The following CHLSN variants were observed in gnomAD, a reference collection of about 807,000 sequenced individuals.
CHLSN encodes protein cholesin.
chr7:1,136,571 CATAAACATAT>C, the CHLSN span, among the ~76,000 whole-genome samples: 35 of 27,272 alleles, frequency 1.3e-3, no homozygotes, highest in African/African-American at 2.6e-3. Flanking sequence ...AACATATAAA[CATAAACATAT>C]ATAAACATAT....
chr7:1,092,487 G>A, the CHLSN span: 2 of 1,607,442 alleles, frequency 1.2e-6, no homozygotes, highest in Non-Finnish European at 1.7e-6. Flanking sequence ...TGCGGCCCCG[G>A]CGGCAGAAGG....
chr7:1,118,799 CAAAAAAAAAAA>C, the CHLSN span, among the ~76,000 whole-genome samples: 6,260 of 76,836 alleles, frequency 0.081, 596 homozygotes, highest in African/African-American at 0.28. Flanking sequence ...CCATCTCTAC[CAAAAAAAAAAA>C]AAAAAAAAAA....
the CHLSN span, among the ~76,000 whole-genome samples, chr7:1,046,270 T>G: frequency 6.6e-6 from 1 of 152,220 alleles, no homozygotes; most frequent in East Asian, 1.9e-4. Flanking sequence ...CCGCCTGGCC[T>G]TTAATGACCC....
At chr7:1,094,914 A>G in the CHLSN span, among the ~76,000 whole-genome samples, 1 of 151,998 alleles carries the variant, frequency 6.6e-6, no homozygotes, top group Non-Finnish European at 1.5e-5. Context: ...GCCCACTTCT[A>G]TCAGGATTGC....
chr7:985,120 G>A, the CHLSN span: 110 of 1,607,334 alleles, frequency 6.8e-5, no homozygotes, highest in Non-Finnish European at 8.2e-5. Context: ...GGCCGGGGAC[G>A]CCCCTCCCCG....
the CHLSN span, among the ~76,000 whole-genome samples, chr7:1,137,162 C>T: frequency 6.6e-6 from 1 of 152,190 alleles, no homozygotes; most frequent in African/African-American, 2.4e-5. Flanking sequence ...CTTTCTCTCT[C>T]TGTTCCCAAA....
the CHLSN span, among the ~76,000 whole-genome samples, chr7:1,090,713 G>A: frequency 2.0e-5 from 3 of 152,244 alleles, no homozygotes; most frequent in African/African-American, 7.2e-5. Flanking sequence ...GGATAAGCTC[G>A]GGAGGGACTC....
chr7:1,028,892 G>T, the CHLSN span: 2 of 743,318 alleles, frequency 2.7e-6, no homozygotes, highest in Non-Finnish European at 3.1e-6. Context: ...TCCCCAGTCT[G>T]ACTCCATGTC....
the CHLSN span, among the ~76,000 whole-genome samples, chr7:1,041,530 A>C: frequency 6.6e-6 from 1 of 152,240 alleles, no homozygotes; most frequent in African/African-American, 2.4e-5. Flanking sequence ...TTTTACTAAC[A>C]CATGCACAGA....
At chr7:990,028 G>A in the CHLSN span, among the ~76,000 whole-genome samples, 1 of 11,468 alleles carries the variant, frequency 8.7e-5, no homozygotes, top group African/African-American at 5.3e-4. Context: ...TGCTGGGGGC[G>A]GTGTGGTCGG....
chr7:1,052,827 G>A, the CHLSN span, among the ~76,000 whole-genome samples: 1 of 152,146 alleles, frequency 6.6e-6, no homozygotes, highest in Non-Finnish European at 1.5e-5. The surrounding 1 kb of genome is among the most constrained non-coding windows in gnomAD (Gnocchi z 4.2). Context: ...ATGGGGTTGG[G>A]GGGCAGGCGG....
At chr7:1,029,417 T>G in the CHLSN span, among the ~76,000 whole-genome samples, 2 of 152,196 alleles carry the variant, frequency 1.3e-5, no homozygotes, top group African/African-American at 4.8e-5. Flanking sequence ...TGCGCCACCA[T>G]GCCCAGCCTA....
the CHLSN span, chr7:1,058,510 T>C: frequency 2.6e-6 from 2 of 778,708 alleles, no homozygotes; most frequent in South Asian, 1.3e-5. Flanking sequence ...CAGCAGGTGC[T>C]GGCGTAGGCG....
chr7:987,747 C>T, the CHLSN span, among the ~76,000 whole-genome samples: 2 of 152,306 alleles, frequency 1.3e-5, no homozygotes, highest in Admixed American at 1.3e-4. Flanking sequence ...TGGCGCCTCC[C>T]TGCATGTCCT....
At chr7:1,049,270 C>G in the CHLSN span, among the ~76,000 whole-genome samples, 6 of 152,242 alleles carry the variant, frequency 3.9e-5, no homozygotes, top group African/African-American at 1.4e-4. Flanking sequence ...TTCCTCTGCC[C>G]TTTATATGTG....
At chr7:1,047,257 C>T in the CHLSN span, among the ~76,000 whole-genome samples, 5 of 152,176 alleles carry the variant, frequency 3.3e-5, no homozygotes, top group East Asian at 1.9e-4. Flanking sequence ...CCCCAGAGCC[C>T]GTCCTGGAGC....
the CHLSN span, among the ~76,000 whole-genome samples, chr7:1,073,314 C>A: frequency 6.6e-6 from 1 of 152,126 alleles, no homozygotes; most frequent in African/African-American, 2.4e-5. Context: ...ACTGCCCTCC[C>A]TCCTCACCTC....
the CHLSN span, chr7:1,055,258 C>T: frequency 4.2e-6 from 2 of 471,038 alleles, no homozygotes; most frequent in African/African-American, 2.0e-5. Flanking sequence ...AGGCAGAGGC[C>T]CTGCGGGGAA....
At chr7:992,786 C>T in the CHLSN span, among the ~76,000 whole-genome samples, 1 of 152,204 alleles carries the variant, frequency 6.6e-6, no homozygotes, top group Non-Finnish European at 1.5e-5. Context: ...GCTGGGTGGG[C>T]TCACCAGGCT....
Sources: allele counts gnomAD v4.1 joint callset (sites outside exome capture counted in the v4.1 genomes callset), GRCh38; gene constraint gnomAD v4.1.1; non-coding constraint Gnocchi (gnomAD v3.1); transcripts MANE v1.5; gene names NCBI Gene and HGNC (gene_info 2026-07-23, HGNC 2026-07-21).